Variants in FGF18 observed in about 807,000 individuals in gnomAD.
The protein encoded by FGF18 is fibroblast growth factor 18.
A neutral mutation model predicts 23.0 loss-of-function variants in FGF18; 5 were observed. That is an observed-to-expected ratio of 0.22 (90% CI 0.11 to 0.46). FGF18 has a LOEUF of 0.46. Among genes scored for constraint, FGF18 ranks in the 20% least tolerant of loss-of-function variants. The pLI is 0.99. For missense variants in FGF18, 180 were observed against 291.6 expected (o/e 0.62, Z 2.79); for synonymous variants, 117 against 118.9 (o/e 0.98, Z 0.10).
intron 2 of FGF18, among the ~76,000 whole-genome samples, chr5:171,430,803 A>G (rs1772170662): frequency 7.1e-6 from 1 of 140,334 alleles, no homozygotes; most frequent in Non-Finnish European, 1.5e-5. Context: ...TCAAAAAAAA[A>G]AAAAAAAAAA....
intron 2 of FGF18, among the ~76,000 whole-genome samples, chr5:171,421,154 A>G (rs1771999389): frequency 6.6e-6 from 1 of 152,064 alleles, no homozygotes; most frequent in Non-Finnish European, 1.5e-5. Flanking sequence ...CTGATCTGTT[A>G]CTTCAGCAGC....
rs369177578 is a variant in FGF18 at position 171,425,656 on chromosome 5, G to A, written c.69+5213G>A. 1.6e-4 allele frequency among the ~76,000 whole-genome samples: 24 copies of A among 150,176 alleles called. 1 individual carries two copies. Among genetic ancestry groups the A allele is most frequent in the Admixed American group, 8.8e-4 (13 of 14,842 alleles). On this transcript the variant is annotated intron_variant, in intron 2 of 4. Coordinates refer to ENST00000274625, the MANE Select transcript of FGF18 (RefSeq NM_003862.3). ...CGCCATTCTCCTGCTTCAGCCTCCCGAGTAGCTGGGACTACAGGCACGAGC... is the reference window on the plus strand; with the variant it reads ...CGCCATTCTCCTGCTTCAGCCTCCCAAGTAGCTGGGACTACAGGCACGAGC...
At chr5:171,432,784 TCTGTGGGGCA>T (rs1184913153) in intron 2 of FGF18, among the ~76,000 whole-genome samples, 1 of 152,198 alleles carries the variant, frequency 6.6e-6, no homozygotes, top group Non-Finnish European at 1.5e-5. Context: ...AACACATCCC[TCTGTGGGGCA>T]CTCTGGTTGG....
chr5:171,437,835 GAGAGTACAGGGGGGTCAGACTCTGGT>G (rs1381933136), intron 3 of FGF18, among the ~76,000 whole-genome samples: 1 of 152,172 alleles, frequency 6.6e-6, no homozygotes, highest in Non-Finnish European at 1.5e-5. Context: ...TCCAGGCTGG[GAGAGTACAGGGGGGTCAGACTCTGGT>G]CTGAACCATC....
chr5:171,420,451 G>A lies in FGF18; in HGVS notation c.69+8G>A, dbSNP rs367874957. 6.8e-5 allele frequency: 110 copies of A among 1,613,018 alleles called. No homozygotes were observed. The highest frequency in any genetic ancestry group is 4.0e-4 in the Admixed American group (24 of 59,886). On this transcript the variant is annotated splice_region_variant and intron_variant, in intron 2 of 4. Coordinates refer to ENST00000274625, the MANE Select transcript of FGF18 (RefSeq NM_003862.3). ...CTGTGCTTCCAGGTACAGGTACGTG[G>A]GCTCCTGACTTTGACCTCCTCCCGC...
Position 171,419,993 on chromosome 5 carries a change from G to C in FGF18, c.-207G>C, listed in dbSNP as rs1040399816. 1.9e-3 allele frequency: 379 copies of C among 204,568 alleles called. 1 individual carries two copies. Among genetic ancestry groups the C allele is most frequent in the Admixed American group, 5.4e-3 (89 of 16,598 alleles). The allele number at this position is 204,568 out of a possible 1,614,324, so 12.7% of individuals were successfully genotyped here. On this transcript the variant is annotated 5_prime_UTR_variant, in exon 1 of 5. Coordinates refer to ENST00000274625, the MANE Select transcript of FGF18 (RefSeq NM_003862.3). The stretch of plus-strand genomic sequence containing the variant: ...CGCCAGCCCGGAGGGCGCAGCGCTC[G>C]GGAGGAGCCGCGCGGGGCGCTGATG...
intron 4 of FGF18, among the ~76,000 whole-genome samples, chr5:171,454,659 C>T (rs1028893623): frequency 3.3e-5 from 5 of 152,204 alleles, no homozygotes; most frequent in Admixed American, 6.5e-5. Context: ...CAAAGGTGAA[C>T]GTTCCTGGAA....
rs1472825581 is a variant in FGF18 at position 171,451,752 on chromosome 5, C to T, written c.357+2499C>T. 6.6e-6 allele frequency among the ~76,000 whole-genome samples: 1 copy of T among 152,198 alleles called. No individual in the cohort carries two copies. The highest frequency in any genetic ancestry group is 6.5e-5 in the Admixed American group (1 of 15,286). On this transcript the variant is annotated intron_variant, in intron 4 of 4. Transcript: ENST00000274625. This position sits in a 1 kb window ranked among gnomAD's most constrained non-coding sequence, Gnocchi z 4.5. ...GATTCCTTATGCTCCAGATGCGTGGCACTGAGCACCGCTGTTCCATGGACG... is the reference window on the plus strand; with the variant it reads ...GATTCCTTATGCTCCAGATGCGTGGTACTGAGCACCGCTGTTCCATGGACG...
intron 2 of FGF18, among the ~76,000 whole-genome samples, chr5:171,423,299 A>C (rs997822372): frequency 6.6e-6 from 1 of 152,178 alleles, no homozygotes; most frequent in South Asian, 2.1e-4. Context: ...AGATAGCTCA[A>C]ATTGGAAGAA....
intron 2 of FGF18, among the ~76,000 whole-genome samples, chr5:171,421,227 GA>G (rs1199375316): frequency 6.6e-6 from 1 of 151,472 alleles, no homozygotes; most frequent in Non-Finnish European, 1.5e-5. Context: ...CAAAGCCGTA[GA>G]AATGAAGGAA....
chr5:171,456,931 A>G lies in FGF18; in HGVS notation c.*126A>G, dbSNP rs1003007414. 1.6e-5 allele frequency: 21 copies of G among 1,274,310 alleles called. No individual in the cohort carries two copies. Among genetic ancestry groups the G allele is most frequent in the Non-Finnish European group, 1.3e-5 (12 of 943,412 alleles). The allele number at this position is 1,274,310 out of a possible 1,614,324, so 78.9% of individuals were successfully genotyped here. ...TATTTTTGTACATTGTGTTTAAAAG[A>G]AGACAAAAACTGAACCAAAACTCTT... On this transcript the variant is annotated 3_prime_UTR_variant, in exon 5 of 5. Transcript: ENST00000274625. The surrounding 1 kb of genome is among the most constrained non-coding windows in gnomAD (Gnocchi z 6.1).
In FGF18 at chr5:171,457,184, AAAAAC is replaced by A. The variant is rs1330955265; in HGVS notation, c.*383_*387del. Reference sequence around the variant, plus strand: ...AAAAAAAAAAAAAACAAAAAAAAAGAAAAACAAAGAGAAAGTAGTACTCCGCCCAC... The same window carrying A: ...AAAAAAAAAAAAAACAAAAAAAAAGAAAAGAGAAAGTAGTACTCCGCCCAC... On this transcript the variant is annotated 3_prime_UTR_variant, in exon 5 of 5. Transcript: ENST00000274625. 1 of 175,256 alleles carries A rather than the reference AAAAAC, an allele frequency of 5.7e-6. No individual in the cohort carries two copies. Among genetic ancestry groups the A allele is most frequent in the Non-Finnish European group, 1.2e-5 (1 of 83,570 alleles). 10.9% of individuals were successfully genotyped at this position (175,256 alleles called of 1,614,324 possible). A position where few individuals can be genotyped will look rare whatever the true frequency, so the allele number is the denominator to read the frequency against.
Position 171,440,561 on chromosome 5 carries a change from T to TCCTTACTAGAGCTTA in FGF18, c.250+4289_250+4290insCTTACTAGAGCTTAC, listed in dbSNP as rs1772326613. Reference sequence around the variant, plus strand: ...GTCCCAGCCATCAAAGAGCCTTCAGTCTAGGGCCCCCATTCCTTACTAGAG... The same window carrying TCCTTACTAGAGCTTA: ...GTCCCAGCCATCAAAGAGCCTTCAGTCCTTACTAGAGCTTACTAGGGCCCCCATTCCTTACTAGAG... On this transcript the variant is annotated intron_variant, in intron 3 of 4. Transcript: ENST00000274625. The surrounding 1 kb of genome is among the most constrained non-coding windows in gnomAD (Gnocchi z 4.0). Among the ~76,000 whole-genome samples the TCCTTACTAGAGCTTA allele has an allele frequency of 6.6e-6, 1 of 152,076 alleles. No homozygotes were observed. The highest frequency in any genetic ancestry group is 1.5e-5 in the Non-Finnish European group (1 of 68,010).
chr5:171,422,976 A>G (rs1772038729), intron 2 of FGF18, among the ~76,000 whole-genome samples: 2 of 152,336 alleles, frequency 1.3e-5, no homozygotes, highest in Non-Finnish European at 2.9e-5. Context: ...TCATCCACCC[A>G]GGAAGGCACA....
intron 2 of FGF18, among the ~76,000 whole-genome samples, chr5:171,422,739 G>C (rs1287390950): frequency 6.6e-6 from 1 of 152,186 alleles, no homozygotes; most frequent in Admixed American, 6.5e-5. Flanking sequence ...TGCACTTAGC[G>C]GGTAGCAGTT....
Position 171,456,442 on chromosome 5 carries a change from C to CA in FGF18, c.358-95dup. The CA allele has an allele frequency of 8.0e-7, 1 of 1,247,164 alleles. No homozygotes were observed. Among genetic ancestry groups the CA allele is most frequent in the Non-Finnish European group, 1.1e-6 (1 of 893,204 alleles). 77.3% of individuals were successfully genotyped at this position (1,247,164 alleles called of 1,614,324 possible). The stretch of plus-strand genomic sequence containing the variant: ...AACTTCATTACAGTTGTCCCTACAA[C>CA]AATCGCAATGGTCCTGAATAAAACC... On this transcript the variant is annotated intron_variant, in intron 4 of 4. Coordinates refer to ENST00000274625, the MANE Select transcript of FGF18 (RefSeq NM_003862.3). This position sits in a 1 kb window ranked among gnomAD's most constrained non-coding sequence, Gnocchi z 6.1.
At chr5:171,453,243 G>C (rs1772540763) in intron 4 of FGF18, among the ~76,000 whole-genome samples, 1 of 152,194 alleles carries the variant, frequency 6.6e-6, no homozygotes, top group Non-Finnish European at 1.5e-5. Context: ...GATGTAGCCT[G>C]CTGTTAGCTT....
At chr5:171,446,187 G>A (rs1034804925) in intron 3 of FGF18, among the ~76,000 whole-genome samples, 6 of 152,218 alleles carry the variant, frequency 3.9e-5, no homozygotes, top group Admixed American at 6.5e-5. Flanking sequence ...CTCCCCTGGC[G>A]TGACGGCCAG....
chr5:171,448,266 G>T (rs1772446791), intron 3 of FGF18, among the ~76,000 whole-genome samples: 1 of 152,200 alleles, frequency 6.6e-6, no homozygotes, highest in African/African-American at 2.4e-5. Flanking sequence ...ATCCGGTCCT[G>T]ATTGGGATTT....
Sources: gnomAD v4.1 joint callset for allele counts (sites outside exome capture counted in the v4.1 genomes callset) on GRCh38, gnomAD v4.1.1 for gene constraint, Gnocchi (gnomAD v3.1) non-coding constraint, MANE v1.5 for transcripts, NCBI Gene and HGNC (gene_info 2026-07-23, HGNC 2026-07-21) for gene names.